AFDN: variants seen among roughly 807,000 people sequenced by gnomAD.
The protein encoded by AFDN is afadin, adherens junction formation factor.
Under a neutral mutation model 216.6 loss-of-function variants are expected in AFDN, and 68 were observed. That is an observed-to-expected ratio of 0.31 (90% CI 0.26 to 0.38). The LOEUF is 0.38. Among genes scored for constraint, AFDN ranks in the 10% least tolerant of loss-of-function variants. AFDN has a pLI of 1.00. For synonymous variants in AFDN, 868 were observed against 853.7 expected (o/e 1.02, Z -0.29); for missense variants, 2,136 against 2,342.0 (o/e 0.91, Z 1.82).
Position 167,965,880 on chromosome 6 carries a change from G to T in AFDN, c.5092G>T (p.Asp1698Tyr). ...PGLCRPPLPR[D>Y]YEPPSPSPAP... The stretch of plus-strand genomic sequence containing the variant: ...TCTGTGCCGCCCTCCGCTTCCCCGG[G>T]ACTACGAGCCCCCGTCCCCGTCCCC... The change falls in exon 32 of 34, where the codon GAC (aspartate) becomes TAC (tyrosine). Residue 1698 changes from aspartate (D) to tyrosine (Y), a missense_variant. Physicochemically the swap from Asp to Tyr is radical, Grantham distance 160. This residue lies in a region of AFDN where 981 missense variants were observed against 966.0 expected (regional missense o/e 1.02). Transcript: ENST00000683244. The T allele has an allele frequency of 3.2e-6, 5 of 1,548,918 alleles. No homozygotes were observed. Among genetic ancestry groups the T allele is most frequent in the Non-Finnish European group, 4.4e-6 (5 of 1,146,458 alleles).
chr6:167,903,701 C>A (rs1789279855), intron 12 of AFDN, among the ~76,000 whole-genome samples: 1 of 152,116 alleles, frequency 6.6e-6, no homozygotes, highest in Non-Finnish European at 1.5e-5. Flanking sequence ...CCCCATTTTT[C>A]TACTCCTGTT....
Position 167,875,188 on chromosome 6 carries a change from C to G in AFDN, c.579-147C>G, listed in dbSNP as rs575998194. On this transcript the variant is annotated intron_variant, in intron 4 of 33. Coordinates refer to ENST00000683244, the MANE Select transcript of AFDN (RefSeq NM_001386888.1). ...ATATTCTTTATCATATAGTAATTAG[C>G]ATGTGGTAAATAGTACGTAACAGAC... The G allele has an allele frequency of 1.3e-4, 83 of 626,706 alleles. No individual in the cohort carries two copies. The African/African-American group carries it at 1.4e-3, about 11-fold the overall frequency. 38.8% of individuals were successfully genotyped at this position (626,706 alleles called of 1,614,324 possible). A position where few individuals can be genotyped will look rare whatever the true frequency, so the allele number is the denominator to read the frequency against.
At chr6:167,916,285 GTT>G (rs1220627663) in intron 19 of AFDN, among the ~76,000 whole-genome samples, 1 of 152,150 alleles carries the variant, frequency 6.6e-6, no homozygotes, top group Non-Finnish European at 1.5e-5. Context: ...AGCTGATCTT[GTT>G]TTAACTTGAT....
chr6:167,853,378 A>C (rs35338621), intron 1 of AFDN, among the ~76,000 whole-genome samples: 86,768 of 151,818 alleles, frequency 0.57, 25,797 homozygotes, highest in African/African-American at 0.67. Context: ...CTGCAAAATT[A>C]TTTGCAGATA....
Position 167,880,906 on chromosome 6 carries a change from A to G in AFDN, c.897+389A>G, listed in dbSNP as rs149310004. 8.7e-3 allele frequency among the ~76,000 whole-genome samples: 1,320 copies of G among 152,244 alleles called. 30 individuals are homozygous for G. Among genetic ancestry groups the G allele is most frequent in the African/African-American group, 0.03 (1,251 of 41,562 alleles). Reference sequence around the variant, plus strand: ...CTAAAATTATGTAAAGTATGTGCCAATTTTGTTCATGATTTTAAAAAATTG... The same window carrying G: ...CTAAAATTATGTAAAGTATGTGCCAGTTTTGTTCATGATTTTAAAAAATTG... On this transcript the variant is annotated intron_variant, in intron 6 of 33. Transcript: ENST00000683244.
intron 11 of AFDN, among the ~76,000 whole-genome samples, chr6:167,900,588 AAG>A (rs1415742842): frequency 6.6e-6 from 1 of 152,196 alleles, no homozygotes; most frequent in Non-Finnish European, 1.5e-5. Flanking sequence ...TAAAACTTGA[AAG>A]AGGTAGCTTT....
chr6:167,897,545 C>T (rs1788412331), intron 10 of AFDN, among the ~76,000 whole-genome samples: 1 of 150,482 alleles, frequency 6.6e-6, no homozygotes, highest in Admixed American at 6.6e-5. Flanking sequence ...TTTCTTAGCA[C>T]AACACTAAAA....
chr6:167,843,467 C>T (rs1314390177), intron 1 of AFDN, among the ~76,000 whole-genome samples: 1 of 152,158 alleles, frequency 6.6e-6, no homozygotes, highest in East Asian at 1.9e-4. Context: ...AAGGGTATTG[C>T]ACTAAACTTG....
In AFDN at chr6:167,948,278, CT is replaced by C; in HGVS notation, c.3646-13del. 6.3e-7 allele frequency: 1 copy of C among 1,578,840 alleles called. No individual in the cohort carries two copies. Among genetic ancestry groups the C allele is most frequent in the Non-Finnish European group, 8.6e-7 (1 of 1,166,050 alleles). ...TTGTAAAAAGCTCACTTTTTTTGTTCTTCACATTTTACAGGAGCAGACGCCT... is the reference window on the plus strand; with the variant it reads ...TTGTAAAAAGCTCACTTTTTTTGTTCTCACATTTTACAGGAGCAGACGCCT... On this transcript the variant is annotated splice_polypyrimidine_tract_variant and intron_variant, in intron 28 of 33. Coordinates refer to ENST00000683244, the MANE Select transcript of AFDN (RefSeq NM_001386888.1).
At chr6:167,876,375 T>TTA (rs1785384763) in intron 5 of AFDN, among the ~76,000 whole-genome samples, 1 of 152,208 alleles carries the variant, frequency 6.6e-6, no homozygotes, top group South Asian at 2.1e-4. Flanking sequence ...GATTCTTTGT[T>TTA]TATATATATT....
At position 167,894,968 on chromosome 6, in the gene AFDN, G is replaced by A. The variant is rs146041998; in HGVS notation, c.1222+1062G>A. Among the ~76,000 whole-genome samples, 10 of 152,114 alleles carry A rather than the reference G, an allele frequency of 6.6e-5. No homozygotes were observed. In the East Asian group the frequency reaches 1.7e-3, roughly 26 times the overall value. On this transcript the variant is annotated intron_variant, in intron 9 of 33. Coordinates refer to ENST00000683244, the MANE Select transcript of AFDN (RefSeq NM_001386888.1). ...ACATGATTACTTATTTACTGCTTTT[G>A]CTTTCTTTATAATTTATTTGTGTCA...
chr6:167,915,065 G>A, intron 18 of AFDN, 103 bp from the exon 19 acceptor site: 1 of 1,206,412 alleles, frequency 8.3e-7, no homozygotes, highest in Non-Finnish European at 1.2e-6. Context: ...TAATTAAACG[G>A]CACTTACTAC....
At chr6:167,949,144 A>G (rs1400587774) in intron 29 of AFDN, among the ~76,000 whole-genome samples, 5 of 152,192 alleles carry the variant, frequency 3.3e-5, no homozygotes, top group Admixed American at 2.6e-4. Flanking sequence ...AAGCTGGGGA[A>G]CGTTATCCAA....
At chr6:167,839,658 C>G (rs1218127631) in intron 1 of AFDN, among the ~76,000 whole-genome samples, 2 of 152,108 alleles carry the variant, frequency 1.3e-5, no homozygotes, top group African/African-American at 2.4e-5. Context: ...TACATGTGTT[C>G]CTTTCTGTCT....
intron 2 of AFDN, among the ~76,000 whole-genome samples, chr6:167,867,432 C>CTTTT (rs766749834): frequency 7.3e-6 from 1 of 137,206 alleles, no homozygotes; most frequent in Non-Finnish European, 1.6e-5. Flanking sequence ...TTTTTCTTTT[C>CTTTT]TTTTTTTTTT....
intron 1 of AFDN, among the ~76,000 whole-genome samples, chr6:167,840,974 G>A (rs887517336): frequency 6.4e-4 from 98 of 152,316 alleles, no homozygotes; most frequent in Non-Finnish European, 8.7e-4. Flanking sequence ...TGAAGGGAGG[G>A]CACGCTTGGA....
chr6:167,859,107 C>A (rs1783244032), intron 1 of AFDN, among the ~76,000 whole-genome samples: 2 of 146,300 alleles, frequency 1.4e-5, no homozygotes, highest in African/African-American at 5.1e-5. Flanking sequence ...CAAATGCTTC[C>A]AGGTATATTA....
chr6:167,912,913 T>C (rs539339262), intron 15 of AFDN, among the ~76,000 whole-genome samples: 27 of 152,350 alleles, frequency 1.8e-4, no homozygotes, highest in Admixed American at 4.6e-4. Flanking sequence ...TGTAAGTTAT[T>C]TATACACTTT....
At chr6:167,936,773 A>G (rs1175143580) in intron 23 of AFDN, among the ~76,000 whole-genome samples, 1 of 152,190 alleles carries the variant, frequency 6.6e-6, no homozygotes, top group Non-Finnish European at 1.5e-5. Flanking sequence ...CCAGTCCTGC[A>G]CTGCCATAGC....
Sources: allele counts gnomAD v4.1 joint callset (sites outside exome capture counted in the v4.1 genomes callset), GRCh38; gene constraint gnomAD v4.1.1; regional missense constraint gnomAD v4.1.1; transcripts MANE v1.5; gene names NCBI Gene and HGNC (gene_info 2026-07-23, HGNC 2026-07-21).